CDH1: variants seen among roughly 807,000 people sequenced by gnomAD.
The protein encoded by CDH1 is cadherin-1.
A neutral mutation model predicts 84.5 loss-of-function variants in CDH1; 35 were observed. The ratio of observed to expected loss-of-function variants is 0.41; its 90% CI spans 0.32 to 0.55. The LOEUF is 0.55. Ranked by LOEUF, CDH1 falls within the 20% of genes least tolerant of loss-of-function variation. The pLI is 0.19. For synonymous variants in CDH1, 417 were observed against 439.0 expected (o/e 0.95, Z 0.63); for missense variants, 994 against 1,126.6 (o/e 0.88, Z 1.68).
intron 2 of CDH1, among the ~76,000 whole-genome samples, chr16:68,759,473 ATTTTC>A (rs1963103423): frequency 7.0e-6 from 1 of 143,310 alleles, no homozygotes; most frequent in Non-Finnish European, 1.5e-5. Context: ...TGGCAATTCC[ATTTTC>A]TTTTCTTTCT....
At chr16:68,789,203 A>AT (rs1296104312) in intron 2 of CDH1, among the ~76,000 whole-genome samples, 3 of 151,470 alleles carry the variant, frequency 2.0e-5, no homozygotes, top group Non-Finnish European at 4.4e-5. Context: ...TTTTTTTTGT[A>AT]TTTTTTGTAG....
At chr16:68,801,551 G>C in intron 2 of CDH1, 119 bp from the exon 3 acceptor site, 1 of 812,520 alleles carries the variant, frequency 1.2e-6, no homozygotes, top group South Asian at 1.3e-5. Flanking sequence ...CCAGATTATG[G>C]TTTGTTTTGG....
intron 2 of CDH1, among the ~76,000 whole-genome samples, chr16:68,741,316 G>A (rs1402014851): frequency 2.0e-5 from 3 of 152,244 alleles, no homozygotes; most frequent in Non-Finnish European, 2.9e-5. Context: ...AAAATCACAC[G>A]TTCAATCTGA....
chr16:68,745,146 G>A (rs929616404), intron 2 of CDH1, among the ~76,000 whole-genome samples: 2 of 151,606 alleles, frequency 1.3e-5, no homozygotes, highest in African/African-American at 2.4e-5. Flanking sequence ...CGGGGGAGTC[G>A]GGATGATCTT....
At chr16:68,828,604 C>T (rs1024297371) in intron 14 of CDH1, among the ~76,000 whole-genome samples, 2 of 152,224 alleles carry the variant, frequency 1.3e-5, no homozygotes, top group African/African-American at 4.8e-5. Flanking sequence ...AATGGTCTGT[C>T]TCAGAGCCTG....
intron 10 of CDH1, among the ~76,000 whole-genome samples, chr16:68,818,769 G>A (rs1472628936): frequency 2.8e-5 from 4 of 142,568 alleles, no homozygotes; most frequent in Non-Finnish European, 6.0e-5. Flanking sequence ...AGAATGGTGT[G>A]AACCCAGGAG....
At chr16:68,820,731 A>G (rs1961120980) in intron 11 of CDH1, among the ~76,000 whole-genome samples, 2 of 152,126 alleles carry the variant, frequency 1.3e-5, no homozygotes, top group Non-Finnish European at 2.9e-5. Flanking sequence ...TAGGTGTTAA[A>G]TCAGTTAGGT....
chr16:68,807,503 C>T (rs1960696488), intron 3 of CDH1, among the ~76,000 whole-genome samples: 1 of 151,904 alleles, frequency 6.6e-6, no homozygotes, highest in Admixed American at 6.6e-5. Context: ...GACCCTGCCT[C>T]TAAAAAAATT....
chr16:68,777,534 C>CATTT, intron 2 of CDH1, among the ~76,000 whole-genome samples: 1 of 76,986 alleles, frequency 1.3e-5, no homozygotes, highest in African/African-American at 4.9e-5. Context: ...GTAATGTTTC[C>CATTT]TTTTTTTTTT....
Position 68,829,581 on chromosome 16 carries a change from A to T in CDH1, c.2296-73A>T, listed in dbSNP as rs893490133. ...GGCATCATCCAACCATAATCTATAA[A>T]CTGAACATAGCCCTGTGTGTATGAC... On this transcript the variant is annotated intron_variant, in intron 14 of 15. Transcript: ENST00000261769. The T allele has an allele frequency of 4.7e-5, 68 of 1,443,536 alleles. No homozygotes were observed. In the African/African-American group the frequency reaches 8.5e-4, roughly 18 times the overall value. 89.4% of individuals were successfully genotyped at this position (1,443,536 alleles called of 1,614,324 possible).
chr16:68,793,324 T>C (rs1328031890), intron 2 of CDH1, among the ~76,000 whole-genome samples: 2 of 152,176 alleles, frequency 1.3e-5, no homozygotes, highest in Non-Finnish European at 2.9e-5. Flanking sequence ...TGGAACTGGA[T>C]TTCCAAGGCT....
chr16:68,750,572 G>T (rs956750324), intron 2 of CDH1, among the ~76,000 whole-genome samples: 4 of 152,034 alleles, frequency 2.6e-5, no homozygotes, highest in African/African-American at 9.7e-5. Context: ...TAATTAGCTG[G>T]CTTTGTAATT....
intron 2 of CDH1, among the ~76,000 whole-genome samples, chr16:68,738,701 C>T (rs1161764531): frequency 6.6e-6 from 1 of 152,076 alleles, no homozygotes. Flanking sequence ...TAGAGACAGT[C>T]TCTCATTTCA....
intron 10 of CDH1, among the ~76,000 whole-genome samples, chr16:68,816,721 C>T (rs775684553): frequency 2.0e-5 from 3 of 152,008 alleles, no homozygotes; most frequent in Non-Finnish European, 4.4e-5. Context: ...TGCACTCCAG[C>T]CTGGGTGACA....
At chr16:68,746,710 G>A (rs1181835918) in intron 2 of CDH1, among the ~76,000 whole-genome samples, 1 of 152,162 alleles carries the variant, frequency 6.6e-6, no homozygotes, top group Non-Finnish European at 1.5e-5. Context: ...CACTTTGGGA[G>A]GCCAAGGTGG....
At chr16:68,818,575 G>A (rs1257647710) in intron 10 of CDH1, among the ~76,000 whole-genome samples, 2 of 147,398 alleles carry the variant, frequency 1.4e-5, no homozygotes, top group African/African-American at 5.0e-5. Context: ...TCGGCCGGGC[G>A]CGGTGGCTCA....
chr16:68,761,085 G>A (rs1014780499), intron 2 of CDH1, among the ~76,000 whole-genome samples: 1 of 152,188 alleles, frequency 6.6e-6, no homozygotes. Flanking sequence ...AAACTCCCTC[G>A]TTGGTTCTTC....
chr16:68,810,337 T>C lies in CDH1; in HGVS notation c.828T>C (p.Leu276=), dbSNP rs2152131206. 6.2e-7 allele frequency: 1 copy of C among 1,613,834 alleles called. No homozygotes were observed. The highest frequency in any genetic ancestry group is 2.2e-5 in the East Asian group (1 of 44,878). Residue 276 remains leucine, a synonymous_variant, in exon 6 of 16, where the codon CTT becomes CTC. Transcript: ENST00000261769. ...AGGGGTCTGTCATGGAAGGTGCTCT[T>C]CCAGGTATATCCACTAATGAGAATC... The part of the protein sequence containing the change: ...VFKGSVMEGA[L]PGTSVMEVTA...
intron 2 of CDH1, among the ~76,000 whole-genome samples, chr16:68,787,462 ATATT>A (rs1960085605): frequency 6.6e-6 from 1 of 152,104 alleles, no homozygotes; most frequent in African/African-American, 2.4e-5. Flanking sequence ...GTCATAGTGA[ATATT>A]TACTCTCAAA....
Sources: gnomAD v4.1 joint callset for allele counts (sites outside exome capture counted in the v4.1 genomes callset) on GRCh38, gnomAD v4.1.1 for gene constraint, MANE v1.5 for transcripts, NCBI Gene and HGNC (gene_info 2026-07-23, HGNC 2026-07-21) for gene names.